FOXK2: variants seen among roughly 807,000 people sequenced by gnomAD.
FOXK2 encodes forkhead box K2.
FOXK2 carries 24 observed loss-of-function variants against 53.3 expected under a neutral mutation model. That is an observed-to-expected ratio of 0.45 (90% CI 0.33 to 0.63). FOXK2 has a LOEUF of 0.63. FOXK2 is among the 30% of genes least tolerant of loss of function. FOXK2 has a pLI of 0.03. For missense variants in FOXK2, 952 were observed against 910.5 expected, an observed-to-expected ratio of 1.05 and a Z score of -0.59; for synonymous variants, 505 against 407.1, an observed-to-expected ratio of 1.24 and a Z score of -2.89.
chr17:82,554,301 G>A (rs2044703104), intron 1 of FOXK2, among the ~76,000 whole-genome samples: 1 of 152,160 alleles, frequency 6.6e-6, no homozygotes, highest in South Asian at 2.1e-4. Context: ...TAATACTGAA[G>A]TCTTGCAACA....
chr17:82,582,752 C>A lies in FOXK2; in HGVS notation c.921C>A (p.Arg307=). 1 of 1,584,002 alleles carries A rather than the reference C, an allele frequency of 6.3e-7. No individual in the cohort carries two copies. The highest frequency in any genetic ancestry group is 1.7e-4 in the Middle Eastern group (1 of 5,922). Residue 307 remains arginine, a synonymous_variant, in exon 5 of 9, where the codon CGC becomes CGA. Coordinates refer to ENST00000335255, the MANE Select transcript of FOXK2 (RefSeq NM_004514.4). ...TTTATGTTTCATAGAATTCAATTCG[C>A]CACAATCTCTCTCTGAATCGTTATT... ...TADKGWQNSI[R]HNLSLNRYFI...
intron 8 of FOXK2, chr17:82,587,556 A>T: frequency 2.2e-6 from 1 of 453,260 alleles, no homozygotes; most frequent in South Asian, 2.1e-5. Context: ...GTGGCCTGGA[A>T]GCGGCCTGAA....
At chr17:82,588,432 A>G in intron 8 of FOXK2, 2 of 162,868 alleles carry the variant, frequency 1.2e-5, no homozygotes, top group South Asian at 1.3e-4. Context: ...TGGCTATTGG[A>G]GGGCAGGCGG....
chr17:82,532,619 C>T (rs2044483000), intron 1 of FOXK2, among the ~76,000 whole-genome samples: 1 of 152,170 alleles, frequency 6.6e-6, no homozygotes, highest in Non-Finnish European at 1.5e-5. Flanking sequence ...CTACGTCTCA[C>T]TGTGTGGCCC....
intron 3 of FOXK2, among the ~76,000 whole-genome samples, chr17:82,569,703 A>G (rs918061185): frequency 6.6e-6 from 1 of 152,202 alleles, no homozygotes; most frequent in South Asian, 2.1e-4. Flanking sequence ...AGGCTTTGTT[A>G]GCTGTTTAAA....
intron 1 of FOXK2, among the ~76,000 whole-genome samples, chr17:82,529,453 G>A (rs1400136130): frequency 6.7e-6 from 1 of 150,038 alleles, no homozygotes; most frequent in African/African-American, 2.5e-5. Context: ...GCAGTGGCAC[G>A]ATCTTGGCTC....
At chr17:82,600,284 G>A (rs1317100477) in intron 8 of FOXK2, 5 of 152,284 alleles carry the variant, frequency 3.3e-5, no homozygotes, top group Admixed American at 6.5e-5. Flanking sequence ...CCAAGGCGGC[G>A]GCCTGGAGAC....
rs2045414540 is a variant in FOXK2 at position 82,603,718 on chromosome 17, TG to T, written c.*2220del. On this transcript the variant is annotated 3_prime_UTR_variant, in exon 9 of 9. Transcript: ENST00000335255. ...TCAAATGGTAAAGAAGGGAGGAGGGTGTTTTTTTTTTTTTTTTTTGCCGTAG... is the reference window on the plus strand; with the variant it reads ...TCAAATGGTAAAGAAGGGAGGAGGGTTTTTTTTTTTTTTTTTTTGCCGTAG... 1.6e-5 allele frequency: 1 copy of T among 63,378 alleles called. No individual in the cohort carries two copies. The allele number at this position is 63,378 out of a possible 1,614,324, so 3.9% of individuals were successfully genotyped here.
chr17:82,576,006 G>A (rs1427453225), intron 4 of FOXK2, among the ~76,000 whole-genome samples: 3 of 91,250 alleles, frequency 3.3e-5, no homozygotes, highest in African/African-American at 4.6e-5. Context: ...CCACACCAGC[G>A]TGTGTGCTCG....
chr17:82,568,032 A>G, intron 2 of FOXK2, 22 bp from the exon 3 acceptor site: 2 of 1,583,098 alleles, frequency 1.3e-6, no homozygotes, highest in Non-Finnish European at 1.7e-6. Context: ...GACTAATAGG[A>G]ACAACTTTTT....
chr17:82,581,642 A>AT (rs2045062004), intron 4 of FOXK2, among the ~76,000 whole-genome samples: 1 of 151,812 alleles, frequency 6.6e-6, no homozygotes, highest in South Asian at 2.1e-4. Flanking sequence ...CGCCCCGCTA[A>AT]TTTTTCGTAT....
At chr17:82,537,059 G>A (rs990021479) in intron 1 of FOXK2, among the ~76,000 whole-genome samples, 1 of 152,132 alleles carries the variant, frequency 6.6e-6, no homozygotes, top group African/African-American at 2.4e-5. Flanking sequence ...GAAAAGAATA[G>A]AATATAAAGC....
intron 3 of FOXK2, among the ~76,000 whole-genome samples, chr17:82,571,190 C>A (rs1421534327): frequency 6.6e-6 from 1 of 152,134 alleles, no homozygotes; most frequent in African/African-American, 2.4e-5. Flanking sequence ...GTCAAGCAGC[C>A]TTTATGTCTT....
chr17:82,560,388 A>G (rs2044780438), intron 1 of FOXK2, among the ~76,000 whole-genome samples: 1 of 151,336 alleles, frequency 6.6e-6, no homozygotes, highest in African/African-American at 2.4e-5. Flanking sequence ...TGGCTTCCCA[A>G]AGTGCTAGGA....
intron 1 of FOXK2, among the ~76,000 whole-genome samples, chr17:82,526,699 G>A (rs1229977713): frequency 2.0e-5 from 3 of 152,112 alleles, no homozygotes; most frequent in East Asian, 3.9e-4. Flanking sequence ...GCATGGTGGC[G>A]GGCACCTCTA....
intron 3 of FOXK2, 127 bp from the exon 4 acceptor site, chr17:82,571,597 T>G: frequency 9.9e-7 from 1 of 1,011,360 alleles, no homozygotes; most frequent in African/African-American, 1.7e-5. Context: ...CGAGACTCTG[T>G]CTCAAAAAAA....
At chr17:82,528,281 T>C (rs1479931084) in intron 1 of FOXK2, among the ~76,000 whole-genome samples, 3 of 152,150 alleles carry the variant, frequency 2.0e-5, no homozygotes, top group African/African-American at 4.8e-5. Context: ...GATTTTTCCA[T>C]TGTGAAAATG....
In FOXK2 at chr17:82,571,709, G is replaced by T; in HGVS notation, c.763-15G>T. ...TAACTTCAATATTCGTTTTGTGTTTGTTTTTTAAATACAGGATGATTCAAA... is the reference window on the plus strand; with the variant it reads ...TAACTTCAATATTCGTTTTGTGTTTTTTTTTTAAATACAGGATGATTCAAA... On this transcript the variant is annotated splice_polypyrimidine_tract_variant and intron_variant, in intron 3 of 8. Transcript: ENST00000335255. 6.7e-7 allele frequency: 1 copy of T among 1,502,492 alleles called. No individual in the cohort carries two copies. The highest frequency in any genetic ancestry group is 8.9e-7 in the Non-Finnish European group (1 of 1,126,488). 93.1% of individuals were successfully genotyped at this position (1,502,492 alleles called of 1,614,324 possible).
At chr17:82,549,659 A>G (rs2044657643) in intron 1 of FOXK2, among the ~76,000 whole-genome samples, 1 of 152,216 alleles carries the variant, frequency 6.6e-6, no homozygotes, top group African/African-American at 2.4e-5. Flanking sequence ...TTACTCTCCA[A>G]GCCAAAGGAA....
Sources: allele counts gnomAD v4.1 joint callset (sites outside exome capture counted in the v4.1 genomes callset), GRCh38; gene constraint gnomAD v4.1.1; transcripts MANE v1.5; gene names NCBI Gene and HGNC (gene_info 2026-07-23, HGNC 2026-07-21).